Variants in TFAP2B observed in about 807,000 individuals in gnomAD.
The protein encoded by TFAP2B is transcription factor AP-2-beta.
TFAP2B carries 9 observed loss-of-function variants against 44.3 expected under a neutral mutation model. The observed-to-expected ratio is 0.20, with a 90% CI of 0.12 to 0.35. The LOEUF is 0.35. Among genes scored for constraint, TFAP2B ranks in the 10% least tolerant of loss-of-function variants. TFAP2B has a pLI of 1.00. For missense variants in TFAP2B, 509 were observed against 600.0 expected (o/e 0.85, Z 1.59); for synonymous variants, 270 against 263.8 (o/e 1.02, Z -0.23).
chr6:50,823,574 G>GGACCCCTACTCCCACGTCAAC lies in TFAP2B; in HGVS notation c.263_283dup (p.His88_Ser94dup). 6.2e-7 allele frequency: 1 copy of GGACCCCTACTCCCACGTCAAC among 1,613,790 alleles called. No individual in the cohort carries two copies. The highest frequency in any genetic ancestry group is 8.5e-7 in the Non-Finnish European group (1 of 1,179,964). On this transcript the variant is annotated inframe_insertion, in exon 2 of 7. Transcript: ENST00000393655. ...AGCCGCTCCCCTACCACCAGAGCCAGGACCCCTACTCCCACGTCAACGACC... is the reference window on the plus strand; with the variant it reads ...AGCCGCTCCCCTACCACCAGAGCCAGGACCCCTACTCCCACGTCAACGACCCCTACTCCCACGTCAACGACC...
chr6:50,829,966 CTCA>C (rs996511121), intron 3 of TFAP2B, among the ~76,000 whole-genome samples: 2 of 150,536 alleles, frequency 1.3e-5, no homozygotes, highest in African/African-American at 4.9e-5. Context: ...CTCTCTCTCT[CTCA>C]TCTTCAAATA....
chr6:50,818,839 G>A (rs1415667501), upstream of TFAP2B: 1 of 1,548,152 alleles, frequency 6.5e-7, no homozygotes, highest in East Asian at 2.2e-5. Flanking sequence ...ATTATAGATG[G>A]ATCATTACAG....
At chr6:50,836,643 G>T (rs1215608087) in intron 4 of TFAP2B, among the ~76,000 whole-genome samples, 1 of 152,084 alleles carries the variant, frequency 6.6e-6, no homozygotes, top group Admixed American at 6.5e-5. Context: ...GTACAACGCG[G>T]AACTAACAGC....
chr6:50,840,980 CA>C (rs1762717177), intron 6 of TFAP2B, among the ~76,000 whole-genome samples: 1 of 152,256 alleles, frequency 6.6e-6, no homozygotes, highest in African/African-American at 2.4e-5. Context: ...GCGGCCCAAA[CA>C]GCCGCGCTCA....
chr6:50,843,004 C>T, intron 6 of TFAP2B, 88 bp from the exon 7 acceptor site: 1 of 1,557,384 alleles, frequency 6.4e-7, no homozygotes, highest in East Asian at 2.2e-5. Context: ...TGACCCGGCG[C>T]CTCTGGGCTT....
intron 2 of TFAP2B, among the ~76,000 whole-genome samples, chr6:50,825,837 G>A (rs77273840): frequency 0.021 from 3,243 of 152,188 alleles, 50 homozygotes; most frequent in Non-Finnish European, 0.033. Flanking sequence ...CCTGCCGGGA[G>A]GCCCACGGGA....
Position 50,843,439 on chromosome 6 carries a change from A to G in TFAP2B, c.*47A>G. The G allele has an allele frequency of 6.4e-7, 1 of 1,557,970 alleles. No individual in the cohort carries two copies. Among genetic ancestry groups the G allele is most frequent in the Non-Finnish European group, 8.7e-7 (1 of 1,147,174 alleles). ...AAAAATGTTTTAAATACAAAAGGAA[A>G]AACAGACAAAAATTTAATTTTAGCT... On this transcript the variant is annotated 3_prime_UTR_variant, in exon 7 of 7. Coordinates refer to ENST00000393655, the MANE Select transcript of TFAP2B (RefSeq NM_003221.4).
At position 50,843,435 on chromosome 6, in the gene TFAP2B, G is replaced by C. The variant is rs1762775227; in HGVS notation, c.*43G>C. ...AAGGAAAAATGTTTTAAATACAAAA[G>C]GAAAAACAGACAAAAATTTAATTTT... On this transcript the variant is annotated 3_prime_UTR_variant, in exon 7 of 7. Transcript: ENST00000393655. The C allele has an allele frequency of 6.4e-7, 1 of 1,573,602 alleles. No homozygotes were observed. The highest frequency in any genetic ancestry group is 8.6e-7 in the Non-Finnish European group (1 of 1,158,524).
chr6:50,823,507 C>T lies in TFAP2B; in HGVS notation c.182C>T (p.Pro61Leu). The change falls in exon 2 of 7, where the codon CCG becomes CTG. Residue 61 changes from proline to leucine, a missense_variant. Physicochemically the swap from Pro to Leu is moderately conservative, Grantham distance 98. Coordinates refer to ENST00000393655, the MANE Select transcript of TFAP2B (RefSeq NM_003221.4). ...YSSAPPLSHT[P>L]SSDFQPPYFP... is the part of the protein sequence containing the mutation. ...AGCGCCCCGCCGCTGTCCCACACCC[C>T]GTCGTCGGACTTCCAGCCGCCCTAC... 3 of 1,613,726 alleles carry T rather than the reference C, an allele frequency of 1.9e-6. No homozygotes were observed. The highest frequency in any genetic ancestry group is 2.5e-6 in the Non-Finnish European group (3 of 1,179,890).
chr6:50,821,403 T>C (rs1370290472), intron 1 of TFAP2B, among the ~76,000 whole-genome samples: 1 of 152,192 alleles, frequency 6.6e-6, no homozygotes, highest in Non-Finnish European at 1.5e-5. Context: ...CAACCCTTTT[T>C]ATTTTGTTTT....
At chr6:50,835,177 G>A (rs752425127) in intron 3 of TFAP2B, among the ~76,000 whole-genome samples, 13 of 152,184 alleles carry the variant, frequency 8.5e-5, no homozygotes, top group Non-Finnish European at 1.5e-4. Context: ...CCTTGAGTGC[G>A]GTTTGTTATC....
intron 2 of TFAP2B, among the ~76,000 whole-genome samples, chr6:50,824,574 G>T (rs1200622476): frequency 6.6e-6 from 1 of 152,114 alleles, no homozygotes; most frequent in East Asian, 1.9e-4. Context: ...TCACTTTTTG[G>T]TTCATTAAGT....
Position 50,836,097 on chromosome 6 carries a change from T to A in TFAP2B, c.638T>A (p.Met213Lys), listed in dbSNP as rs747106608. ...VPPKSVTSLM[M>K]NKDGFLGGMS... ...CCCAAATCGGTGACTTCTCTAATGATGAATAAAGACGGCTTCCTGGGAGGC... is the reference window on the plus strand; with the variant it reads ...CCCAAATCGGTGACTTCTCTAATGAAGAATAAAGACGGCTTCCTGGGAGGC... Residue 213 changes from methionine (M) to lysine (K), a missense_variant, in exon 4 of 7, where the codon ATG becomes AAG. Met to Lys is a moderately conservative substitution (Grantham distance 95, BLOSUM62 -1). Around this residue, in one of 3 missense-constraint regions of TFAP2B, gnomAD observed 296 missense variants for 308.2 expected, o/e 0.96. Coordinates refer to ENST00000393655, the MANE Select transcript of TFAP2B (RefSeq NM_003221.4). 1 of 1,614,030 alleles carries A rather than the reference T, an allele frequency of 6.2e-7. No homozygotes were observed. Among genetic ancestry groups the A allele is most frequent in the Non-Finnish European group, 8.5e-7 (1 of 1,180,032 alleles).
Position 50,843,632 on chromosome 6 carries a change from G to A in TFAP2B, c.*240G>A. The A allele has an allele frequency of 2.0e-6, 1 of 488,692 alleles. No individual in the cohort carries two copies. Among genetic ancestry groups the A allele is most frequent in the Non-Finnish European group, 3.5e-6 (1 of 282,020 alleles). 30.3% of individuals were successfully genotyped at this position (488,692 alleles called of 1,614,324 possible). On this transcript the variant is annotated 3_prime_UTR_variant, in exon 7 of 7. Transcript: ENST00000393655. Reference sequence around the variant, plus strand: ...AAGATACATTTGGAGACAACCGTCCGGATTTTCCACTTCGGTTCTTTCGAG... The same window carrying A: ...AAGATACATTTGGAGACAACCGTCCAGATTTTCCACTTCGGTTCTTTCGAG...
Position 50,818,888 on chromosome 6 carries a change from A to C in TFAP2B, c.-4A>C. 6.2e-7 allele frequency: 1 copy of C among 1,614,044 alleles called. No individual in the cohort carries two copies. The highest frequency in any genetic ancestry group is 8.5e-7 in the Non-Finnish European group (1 of 1,179,980). On this transcript the variant is annotated 5_prime_UTR_variant, in exon 1 of 7. An upstream start codon of the reference 5' UTR is lost. Transcript: ENST00000393655. The stretch of plus-strand genomic sequence containing the variant: ...GAGAAGCCAGACATCTGCTCCTCAC[A>C]TGAATGCACTCACCTCCTAGAGACC...
intron 2 of TFAP2B, among the ~76,000 whole-genome samples, chr6:50,827,393 C>T (rs1214399576): frequency 6.6e-6 from 1 of 152,174 alleles, no homozygotes; most frequent in Non-Finnish European, 1.5e-5. Context: ...CAATTTTGCT[C>T]ACTTTTCTGA....
At chr6:50,833,034 A>G (rs1762546439) in intron 3 of TFAP2B, among the ~76,000 whole-genome samples, 2 of 152,328 alleles carry the variant, frequency 1.3e-5, no homozygotes, top group South Asian at 4.1e-4. Context: ...AAATACTTCT[A>G]ATGTATGCAC....
chr6:50,841,890 G>C (rs746126247), intron 6 of TFAP2B, among the ~76,000 whole-genome samples: 5 of 152,168 alleles, frequency 3.3e-5, no homozygotes, highest in African/African-American at 1.2e-4. Context: ...CTTAAAACCA[G>C]CAACAGTTTA....
At chr6:50,831,838 G>A (rs1357146174) in intron 3 of TFAP2B, among the ~76,000 whole-genome samples, 1 of 152,166 alleles carries the variant, frequency 6.6e-6, no homozygotes, top group Non-Finnish European at 1.5e-5. Context: ...TTCTTGGAAA[G>A]GCTAGCGTGG....
Sources: gnomAD v4.1 joint callset for allele counts (sites outside exome capture counted in the v4.1 genomes callset) on GRCh38, gnomAD v4.1.1 for gene constraint, gnomAD v4.1.1 regional missense constraint, MANE v1.5 for transcripts, NCBI Gene and HGNC (gene_info 2026-07-23, HGNC 2026-07-21) for gene names.